TFG: variants seen among roughly 807,000 people sequenced by gnomAD.
The protein encoded by TFG is trafficking from ER to golgi regulator, also known as protein TFG.
TFG carries 22 observed loss-of-function variants against 51.4 expected under a neutral mutation model. The observed-to-expected ratio is 0.43, with a 90% CI of 0.31 to 0.61. The LOEUF (loss-of-function observed/expected upper bound fraction) is 0.61. TFG is among the 20% of genes least tolerant of loss of function. TFG has a pLI of 0.12. For missense variants in TFG, 419 were observed against 487.7 expected (o/e 0.86, Z 1.33); for synonymous variants, 187 against 165.6 (o/e 1.13, Z -0.99).
intron 5 of TFG, among the ~76,000 whole-genome samples, chr3:100,733,370 C>T (rs2095097191): frequency 6.6e-6 from 1 of 152,016 alleles, no homozygotes. Flanking sequence ...TGCTGTGGAA[C>T]CTTTCTAGTG....
chr3:100,728,309 C>T (rs2095081511), intron 3 of TFG, among the ~76,000 whole-genome samples: 1 of 151,004 alleles, frequency 6.6e-6, no homozygotes, highest in Admixed American at 6.6e-5. Flanking sequence ...ATAAAATGAG[C>T]TTTTTAAGTT....
rs146078119 is a variant in TFG, at chr3:100,748,475, C to T, written c.1147C>T (p.Arg383Cys). The change falls in exon 8 of 8, where the codon CGT becomes TGT. Residue 383 changes from arginine (R) to cysteine (C), a missense_variant. Physicochemically the swap from Arg to Cys is radical, Grantham distance 180. Coordinates refer to ENST00000240851, the MANE Select transcript of TFG (RefSeq NM_006070.6). ...TCCAAGTGGGCCTAATCCTTATGCG[C>T]GTAACCGTCCTCCCTTTGGTCAGGG... Reference protein sequence around the residue: ...PPPSGPNPYARNRPPFGQGYT... With the variant: ...PPPSGPNPYACNRPPFGQGYT... 2.8e-5 allele frequency: 45 copies of T among 1,614,096 alleles called. No homozygotes were observed. Among genetic ancestry groups the T allele is most frequent in the African/African-American group, 1.1e-4 (8 of 75,042 alleles).
At chr3:100,732,404 C>T in intron 4 of TFG, 104 bp from the exon 5 acceptor site, 1 of 690,492 alleles carries the variant, frequency 1.4e-6, no homozygotes, top group Non-Finnish European at 2.4e-6. Flanking sequence ...GCTTAACATT[C>T]CAGACTATCA....
At chr3:100,713,431 A>C (rs1255985802) in intron 1 of TFG, among the ~76,000 whole-genome samples, 1 of 152,236 alleles carries the variant, frequency 6.6e-6, no homozygotes, top group African/African-American at 2.4e-5. Flanking sequence ...ACAGTTAAAT[A>C]TGAGAAAAAA....
At position 100,719,824 on chromosome 3, in the gene TFG, C is replaced by T; in HGVS notation, c.185-151C>T. The T allele has an allele frequency of 1.2e-5, 6 of 507,726 alleles. No homozygotes were observed. The South Asian group carries it at 1.6e-4, about 14-fold the overall frequency. The allele number at this position is 507,726 out of a possible 1,614,324, so 31.5% of individuals were successfully genotyped here. On this transcript the variant is annotated intron_variant, in intron 2 of 7. Coordinates refer to ENST00000240851, the MANE Select transcript of TFG (RefSeq NM_006070.6). ...ATATTTTTGAACAAATGCATTTTTG[C>T]TAGACCTTTAAAGTTTAAGGTTTCT... is the stretch of plus-strand genomic sequence containing the variant.
chr3:100,727,161 G>A (rs1249647342), intron 3 of TFG, among the ~76,000 whole-genome samples: 1 of 152,158 alleles, frequency 6.6e-6, no homozygotes, highest in Non-Finnish European at 1.5e-5. Flanking sequence ...TTCAACGGGA[G>A]AACACCACAG....
intron 6 of TFG, chr3:100,743,513 T>C (rs1393894054): frequency 2.6e-5 from 4 of 152,194 alleles, no homozygotes; most frequent in Admixed American, 1.3e-4. Flanking sequence ...TAAGAAACTT[T>C]TGTAAGCGTT....
At chr3:100,726,600 A>G (rs1367012024) in intron 3 of TFG, among the ~76,000 whole-genome samples, 2 of 152,204 alleles carry the variant, frequency 1.3e-5, no homozygotes, top group Non-Finnish European at 2.9e-5. Context: ...AGGCCATACT[A>G]GGAATGTAAA....
intron 5 of TFG, among the ~76,000 whole-genome samples, chr3:100,734,489 CTG>C (rs1177270577): frequency 3.3e-5 from 5 of 152,206 alleles, no homozygotes; most frequent in Admixed American, 2.0e-4. Flanking sequence ...GTTGTTAACA[CTG>C]TGGTTTTCTG....
At chr3:100,739,885 G>A (rs973744071) in intron 6 of TFG, among the ~76,000 whole-genome samples, 111 of 152,146 alleles carry the variant, frequency 7.3e-4, no homozygotes, top group African/African-American at 2.1e-3. Context: ...TTGTGACAGG[G>A]TGTCACTCTG....
chr3:100,735,128 A>G (rs2095102993), intron 5 of TFG, among the ~76,000 whole-genome samples: 1 of 152,230 alleles, frequency 6.6e-6, no homozygotes, highest in Non-Finnish European at 1.5e-5. Context: ...ATTTATCTAC[A>G]TAGATATAAA....
chr3:100,736,442 T>A, intron 5 of TFG, 134 bp from the exon 6 acceptor site: 1 of 901,776 alleles, frequency 1.1e-6, no homozygotes, highest in South Asian at 2.0e-5. Flanking sequence ...ATACATTTAA[T>A]GTAAAAAGGC....
At chr3:100,742,994 A>G (rs975635003) in intron 6 of TFG, 1 of 152,104 alleles carries the variant, frequency 6.6e-6, no homozygotes, top group Non-Finnish European at 1.5e-5. Flanking sequence ...ACCACAGTCT[A>G]CTACTACGTG....
chr3:100,710,344 C>T (rs1340476166), intron 1 of TFG: 1 of 152,240 alleles, frequency 6.6e-6, no homozygotes, highest in Non-Finnish European at 1.5e-5. Flanking sequence ...AAGGATTCCT[C>T]CAAATTCAGA....
intron 3 of TFG, among the ~76,000 whole-genome samples, chr3:100,727,787 G>A (rs1352727860): frequency 6.6e-6 from 1 of 152,204 alleles, no homozygotes; most frequent in South Asian, 2.1e-4. Context: ...TGCTTTGAAG[G>A]ACAGTCATGA....
intron 3 of TFG, among the ~76,000 whole-genome samples, chr3:100,724,896 A>G (rs1232957234): frequency 1.3e-5 from 2 of 152,194 alleles, no homozygotes; most frequent in Non-Finnish European, 2.9e-5. Context: ...GTAGCAAACT[A>G]TGAATAAAAG....
intron 4 of TFG, 28 bp downstream of exon 4, chr3:100,728,886 C>G (rs2095083504): frequency 1.3e-6 from 2 of 1,539,820 alleles, no homozygotes; most frequent in Admixed American, 2.1e-5. Context: ...TGTATTCTGA[C>G]TTATTGTTCT....
rs76698104 is a variant in TFG, at chr3:100,732,361, A to G, written c.416-147A>G. 273 of 449,218 alleles carry G rather than the reference A, an allele frequency of 6.1e-4. 1 individual carries two copies. Among genetic ancestry groups the G allele is most frequent in the African/African-American group, 4.6e-3 (229 of 49,368 alleles). The allele number at this position is 449,218 out of a possible 1,614,324, so 27.8% of individuals were successfully genotyped here. ...GGAAAAATATAAAAAAAATAAAGGA[A>G]TTAAAATGATCTGTAATCCTATATT... On this transcript the variant is annotated intron_variant, in intron 4 of 7. Transcript: ENST00000240851.
chr3:100,723,759 TG>T (rs1343732964), intron 3 of TFG, among the ~76,000 whole-genome samples: 1 of 151,800 alleles, frequency 6.6e-6, no homozygotes. Flanking sequence ...TTTACAATTA[TG>T]GGAGAGCCGA....
Sources: gnomAD v4.1 joint callset for allele counts (sites outside exome capture counted in the v4.1 genomes callset) on GRCh38, gnomAD v4.1.1 for gene constraint, MANE v1.5 for transcripts, NCBI Gene and HGNC (gene_info 2026-07-23, HGNC 2026-07-21) for gene names.